Variants in SMARCA4 observed in about 807,000 individuals in gnomAD.
The protein encoded by SMARCA4 is SWI/SNF related BAF chromatin remodeling complex subunit ATPase 4, also known as SWI/SNF-related matrix-associated actin-dependent regulator of chromatin subfamily A member 4.
In SMARCA4, 31 loss-of-function variants were observed where a neutral mutation model predicts 193.9. The ratio of observed to expected loss-of-function variants is 0.16; its 90% CI spans 0.12 to 0.22. SMARCA4 has a LOEUF of 0.22. SMARCA4 is among the 10% of genes least tolerant of loss of function. SMARCA4 has a pLI of 1.00. For synonymous variants in SMARCA4, 942 were observed against 933.1 expected, an observed-to-expected ratio of 1.01 and a Z score of -0.17; for missense variants, 1,148 against 2,296.0, an observed-to-expected ratio of 0.50 and a Z score of 10.22.
At chr19:11,042,278 C>T (rs1017296570) in intron 30 of SMARCA4, among the ~76,000 whole-genome samples, 8 of 152,222 alleles carry the variant, frequency 5.3e-5, no homozygotes, top group African/African-American at 1.7e-4. Context: ...TATCCTTTTC[C>T]GTGAGCGACT....
chr19:10,977,498 T>TA lies in SMARCA4; in HGVS notation c.-31-6623_-31-6622insA, dbSNP rs201404834. On this transcript the variant is annotated intron_variant, in intron 1 of 34. Coordinates refer to ENST00000344626, the MANE Select transcript of SMARCA4 (RefSeq NM_003072.5). ...ACCACCATACCCAGCTACTTTTTGT[T>TA]TTTTAAGTAGATACGGGGTTTCACC... Among the ~76,000 whole-genome samples, 72 of 152,052 alleles carry TA rather than the reference T, an allele frequency of 4.7e-4. No individual in the cohort carries two copies. In the East Asian group the frequency reaches 6.2e-3, roughly 13 times the overall value.
At chr19:11,018,443 C>T (rs1191182989) in intron 16 of SMARCA4, 2 of 286,130 alleles carry the variant, frequency 7.0e-6, no homozygotes, top group East Asian at 1.7e-4. Flanking sequence ...CCATCCCTGT[C>T]CTCCCGCCTG....
intron 16 of SMARCA4, among the ~76,000 whole-genome samples, chr19:11,013,620 C>G (rs1312531219): frequency 1.3e-5 from 2 of 152,062 alleles, no homozygotes; most frequent in South Asian, 4.1e-4. Context: ...GGCCTGGGGT[C>G]CCTCTCCCGG....
intron 29 of SMARCA4, among the ~76,000 whole-genome samples, chr19:11,035,577 C>G (rs1286051708): frequency 6.6e-6 from 1 of 152,190 alleles, no homozygotes; most frequent in Non-Finnish European, 1.5e-5. Context: ...CCCCCATGAG[C>G]TGGGGAGACT....
chr19:11,008,209 A>G (rs1375866146), intron 14 of SMARCA4, 186 bp downstream of exon 14: 2 of 614,810 alleles, frequency 3.3e-6, no homozygotes, highest in Non-Finnish European at 6.0e-6. Context: ...TTAATAGAGC[A>G]ATTGCATTCG....
At chr19:11,044,981 C>G (rs2075817817) in intron 30 of SMARCA4, among the ~76,000 whole-genome samples, 1 of 152,208 alleles carries the variant, frequency 6.6e-6, no homozygotes, top group African/African-American at 2.4e-5. Flanking sequence ...GTACTGCTAC[C>G]TGGAAGAAGC....
intron 16 of SMARCA4, among the ~76,000 whole-genome samples, chr19:11,013,354 T>A (rs1470065167): frequency 6.6e-6 from 1 of 152,196 alleles, no homozygotes; most frequent in African/African-American, 2.4e-5. Context: ...CCTTCCTCTG[T>A]GCGTGTCTGT....
rs778282534 is a variant in SMARCA4 at position 11,033,877 on chromosome 19, A to T, written c.3873+12A>T. On this transcript the variant is annotated intron_variant, in intron 27 of 34. Transcript: ENST00000344626. This position sits in a 1 kb window ranked among gnomAD's most constrained non-coding sequence, Gnocchi z 9.8. ...AGCCACCTCTAAAGGTGAGAGGGGT[A>T]GTTCAGTCTCCATGCCCATTCAATC... 7.7e-6 allele frequency: 6 copies of T among 777,466 alleles called. No homozygotes were observed. The highest frequency in any genetic ancestry group is 6.7e-5 in the South Asian group (5 of 74,542). The allele number at this position is 777,466 out of a possible 1,614,324, so 48.2% of individuals were successfully genotyped here.
At chr19:11,037,303 A>T (rs560238711) in intron 29 of SMARCA4, among the ~76,000 whole-genome samples, 1 of 152,182 alleles carries the variant, frequency 6.6e-6, no homozygotes, top group African/African-American at 2.4e-5. Context: ...CTCTTTCTCT[A>T]CATCCTCAGC....
chr19:10,989,299 C>A lies in SMARCA4; in HGVS notation c.1119-18C>A, dbSNP rs1403056424. 2 of 1,613,748 alleles carry A rather than the reference C, an allele frequency of 1.2e-6. No homozygotes were observed. The highest frequency in any genetic ancestry group is 1.7e-6 in the Non-Finnish European group (2 of 1,179,850). On this transcript the variant is annotated intron_variant, in intron 6 of 34. Coordinates refer to ENST00000344626, the MANE Select transcript of SMARCA4 (RefSeq NM_003072.5). Reference sequence around the variant, plus strand: ...TGGCAACCCTCTCACCGCCTTTGCTCCTTGTCTCTGCTCCCAGGCTGCAGG... The same window carrying A: ...TGGCAACCCTCTCACCGCCTTTGCTACTTGTCTCTGCTCCCAGGCTGCAGG...
chr19:11,016,557 G>T (rs1056308476), intron 16 of SMARCA4, among the ~76,000 whole-genome samples: 1 of 152,184 alleles, frequency 6.6e-6, no homozygotes, highest in Non-Finnish European at 1.5e-5. Context: ...ATCAGTGTGG[G>T]CGTGAACAAA....
chr19:10,989,998 C>G (rs1411585698), intron 7 of SMARCA4, among the ~76,000 whole-genome samples: 1 of 151,184 alleles, frequency 6.6e-6, no homozygotes, highest in African/African-American at 2.4e-5. Flanking sequence ...ACGTGCTGTC[C>G]TGCATGGGTC....
In SMARCA4 at chr19:11,026,317, C is replaced by T. The variant is rs2090254119; in HGVS notation, c.3186C>T (p.His1062=). ...FQHIEESFSE[H]LGFTGGIVQG... ...CCTTGCAGGAGTCCTTTTCCGAGCA[C>T]TTGGGGTTCACTGGCGGCATTGTCC... is the stretch of plus-strand genomic sequence containing the variant. The change falls in exon 23 of 35, where the codon CAC becomes CAT. Residue 1062 remains histidine, a synonymous_variant. Transcript: ENST00000344626. 6.2e-7 allele frequency: 1 copy of T among 1,613,856 alleles called. No homozygotes were observed. The highest frequency in any genetic ancestry group is 8.5e-7 in the Non-Finnish European group (1 of 1,179,972).
intron 32 of SMARCA4, 31 bp from the exon 33 acceptor site, chr19:11,059,722 A>G: frequency 6.4e-7 from 1 of 1,552,914 alleles, no homozygotes; most frequent in Non-Finnish European, 8.7e-7. Context: ...AGTCGGGCCC[A>G]TCCACTCAAG....
At position 11,000,859 on chromosome 19, in the gene SMARCA4, C is replaced by CA. The variant is rs539982586; in HGVS notation, c.1813-2153dup. 9.7e-3 allele frequency among the ~76,000 whole-genome samples: 793 copies of CA among 81,892 alleles called. 33 individuals are homozygous for CA. In the East Asian group the frequency reaches 0.17, roughly 17 times the overall value. 53.7% of individuals were successfully genotyped at this position (81,892 alleles called of 152,430 possible). On this transcript the variant is annotated intron_variant, in intron 11 of 34. Transcript: ENST00000344626. Reference sequence around the variant, plus strand: ...TGGGCGACAGAGTGAGACTCTGTCTCAAAAAAAAAAAAAAAAAGTCATGAA... The same window carrying CA: ...TGGGCGACAGAGTGAGACTCTGTCTCAAAAAAAAAAAAAAAAAAGTCATGAA...
intron 14 of SMARCA4, among the ~76,000 whole-genome samples, chr19:11,009,247 C>G (rs2088576042): frequency 1.3e-5 from 2 of 151,718 alleles, no homozygotes; most frequent in South Asian, 4.2e-4. Context: ...GTCTTGATCT[C>G]TTGACCTCAT....
At chr19:10,997,582 T>A (rs2087199370) in intron 11 of SMARCA4, among the ~76,000 whole-genome samples, 1 of 152,108 alleles carries the variant, frequency 6.6e-6, no homozygotes, top group Admixed American at 6.6e-5. Context: ...CGCCTTGGCC[T>A]CCCAAAGTGC....
intron 22 of SMARCA4, among the ~76,000 whole-genome samples, chr19:11,025,849 A>T (rs1320053916): frequency 6.6e-6 from 1 of 152,108 alleles, no homozygotes; most frequent in Admixed American, 6.5e-5. Flanking sequence ...GTCAAGAGTC[A>T]CCACCGTCTT....
intron 30 of SMARCA4, among the ~76,000 whole-genome samples, chr19:11,043,883 C>T (rs760084552): frequency 1.3e-5 from 2 of 151,912 alleles, no homozygotes; most frequent in Non-Finnish European, 2.9e-5. Flanking sequence ...AGGCTGGGCA[C>T]GAGAATCGCT....
Sources: gnomAD v4.1 joint callset for allele counts (sites outside exome capture counted in the v4.1 genomes callset) on GRCh38, gnomAD v4.1.1 for gene constraint, Gnocchi (gnomAD v3.1) non-coding constraint, MANE v1.5 for transcripts, NCBI Gene and HGNC (gene_info 2026-07-23, HGNC 2026-07-21) for gene names.